HDX: variants seen among roughly 807,000 people sequenced by gnomAD.
HDX encodes the protein chromosome X open reading frame 43.
Under a neutral mutation model 45.2 loss-of-function variants are expected in HDX, and 19 were observed. The ratio of observed to expected loss-of-function variants is 0.42; its 90% CI spans 0.29 to 0.62. The LOEUF (loss-of-function observed/expected upper bound fraction) is 0.62. HDX is among the 20% of genes least tolerant of loss of function. The pLI, the probability that HDX is intolerant of heterozygous loss-of-function variation, is 0.20. For synonymous variants in HDX, 188 were observed against 172.8 expected (o/e 1.09, Z -0.69); for missense variants, 532 against 493.9 (o/e 1.08, Z -0.73).
chrX:84,478,166 G>T (rs894799101), intron 2 of HDX, among the ~76,000 whole-genome samples: 1 of 111,662 alleles, frequency 9.0e-6, no homozygotes, highest in East Asian at 2.8e-4. Flanking sequence ...TATATTTTTA[G>T]TACAACTAGG....
At chrX:84,452,215 T>C (rs1265172291) in intron 4 of HDX, among the ~76,000 whole-genome samples, 1 of 110,952 alleles carries the variant, frequency 9.0e-6, no homozygotes, top group Non-Finnish European at 1.9e-5. Context: ...GGAAAATAAG[T>C]CAAATTTTCC....
chrX:84,366,641 A>G lies in HDX; in HGVS notation c.1306-5029T>C, dbSNP rs991609161. Among the ~76,000 whole-genome samples the G allele has an allele frequency of 2.7e-5, 3 of 111,328 alleles. No individual in the cohort carries two copies. In the East Asian group the frequency reaches 8.5e-4, roughly 32 times the overall value. On this transcript the variant is annotated intron_variant, in intron 5 of 10. Coordinates refer to ENST00000373177, the MANE Select transcript of HDX (RefSeq NM_001177479.2). ...TACTGGTACCAAAACAGACAAATAG[A>G]CCAATGGAACAGAACAGGGGCCTCA...
intron 5 of HDX, among the ~76,000 whole-genome samples, chrX:84,371,285 C>T (rs2037887837): frequency 1.8e-5 from 2 of 111,792 alleles, no homozygotes; most frequent in South Asian, 3.7e-4. Flanking sequence ...TTCTACCCAC[C>T]TCAGAGGATT....
chrX:84,464,010 A>C (rs1451763667), intron 4 of HDX, among the ~76,000 whole-genome samples: 1 of 111,588 alleles, frequency 9.0e-6, no homozygotes, highest in Non-Finnish European at 1.9e-5. Flanking sequence ...CAGAAATAGT[A>C]TCACGGCTTG....
At chrX:84,367,384 C>T (rs1042853687) in intron 5 of HDX, among the ~76,000 whole-genome samples, 7 of 112,166 alleles carry the variant, frequency 6.2e-5, no homozygotes, top group African/African-American at 9.7e-5. Flanking sequence ...GAAATAGGAA[C>T]GCTTTTACAC....
chrX:84,482,227 T>A (rs1320512283), intron 2 of HDX, among the ~76,000 whole-genome samples: 1 of 111,788 alleles, frequency 8.9e-6, no homozygotes, highest in East Asian at 2.8e-4. Context: ...GTTCACCCAG[T>A]AGTGATATTA....
Position 84,441,748 on chromosome X carries a change from G to A in HDX, c.1252-1163C>T, listed in dbSNP as rs149136148. 5.3e-3 allele frequency among the ~76,000 whole-genome samples: 595 copies of A among 111,333 alleles called. 6 individuals are homozygous for A. Among genetic ancestry groups the A allele is most frequent in the African/African-American group, 0.019 (571 of 30,758 alleles). On this transcript the variant is annotated intron_variant, in intron 4 of 10. Transcript: ENST00000373177. ...TATTATACAAGTATTTTATACTTGA[G>A]CAAATACTTTCTGATAATTTCCCAG...
chrX:84,464,734 C>T (rs1439952342), intron 4 of HDX, among the ~76,000 whole-genome samples: 2 of 111,574 alleles, frequency 1.8e-5, no homozygotes, highest in Admixed American at 9.5e-5. Context: ...AGAACAAAAC[C>T]TAGGCAATAC....
chrX:84,402,721 T>C (rs2038735060), intron 5 of HDX, among the ~76,000 whole-genome samples: 1 of 111,839 alleles, frequency 8.9e-6, no homozygotes, highest in Non-Finnish European at 1.9e-5. Flanking sequence ...TGCTGAATCA[T>C]ATGGTAAGAC....
chrX:84,384,786 AC>A (rs775535414), intron 5 of HDX, among the ~76,000 whole-genome samples: 57 of 110,973 alleles, frequency 5.1e-4, no homozygotes, highest in African/African-American at 1.7e-3. Context: ...AATAGGGAGT[AC>A]TTTTCCTATT....
chrX:84,486,208 A>G lies in HDX; in HGVS notation c.-1+1816T>C, dbSNP rs766518158. On this transcript the variant is annotated intron_variant, in intron 2 of 10. Transcript: ENST00000373177. ...TTAAGTGATTGTTTTAAGGATTACA[A>G]TGTACATATCTATTTTTTCTTTTTA... is the stretch of plus-strand genomic sequence containing the variant. Among the ~76,000 whole-genome samples, 130 of 111,337 alleles carry G rather than the reference A, an allele frequency of 1.2e-3. 1 individual carries two copies. Among genetic ancestry groups the G allele is most frequent in the Non-Finnish European group, 2.1e-3 (113 of 52,965 alleles).
At chrX:84,367,232 AAC>A (rs2037780517) in intron 5 of HDX, among the ~76,000 whole-genome samples, 1 of 112,546 alleles carries the variant, frequency 8.9e-6, no homozygotes, top group Non-Finnish European at 1.9e-5. Flanking sequence ...TTATGAGGCC[AAC>A]AAACATATTT....
intron 4 of HDX, among the ~76,000 whole-genome samples, chrX:84,454,955 T>TGG (rs1299726452): frequency 9.0e-6 from 1 of 110,819 alleles, no homozygotes; most frequent in Non-Finnish European, 1.9e-5. Context: ...TTCTGGATCT[T>TGG]ATCCAAGACC....
chrX:84,440,407 A>C lies in HDX; in HGVS notation c.1305+125T>G, dbSNP rs182168543. On this transcript the variant is annotated intron_variant, in intron 5 of 10. Coordinates refer to ENST00000373177, the MANE Select transcript of HDX (RefSeq NM_001177479.2). The stretch of plus-strand genomic sequence containing the variant: ...TTATGATCTTGAAAAATGTCCTTTG[A>C]GACAATGTAGTCCTATCAAGGTTCA... 630 of 482,579 alleles carry C rather than the reference A, an allele frequency of 1.3e-3. 2 individuals are homozygous for C. The African/African-American group carries it at 0.014, about 10-fold the overall frequency. 39.8% of individuals were successfully genotyped at this position (482,579 alleles called of 1,213,427 possible).
At chrX:84,423,059 A>T (rs1487407133) in intron 5 of HDX, among the ~76,000 whole-genome samples, 1 of 111,234 alleles carries the variant, frequency 9.0e-6, no homozygotes, top group Non-Finnish European at 1.9e-5. Context: ...TAAAAATAAG[A>T]CATTACAACT....
chrX:84,343,998 A>T (rs1055576306), intron 7 of HDX, among the ~76,000 whole-genome samples: 2 of 111,577 alleles, frequency 1.8e-5, no homozygotes, highest in African/African-American at 6.5e-5. Flanking sequence ...TCATTTACTT[A>T]ATTATAATGC....
chrX:84,432,842 C>T (rs531318308), intron 5 of HDX, among the ~76,000 whole-genome samples: 5 of 110,332 alleles, frequency 4.5e-5, no homozygotes, highest in African/African-American at 1.6e-4. Flanking sequence ...TTGCTCTGGC[C>T]AGGACTTCCA....
chrX:84,420,397 A>G (rs5968317), intron 5 of HDX, among the ~76,000 whole-genome samples: 4,889 of 110,655 alleles, frequency 0.044, 266 homozygotes, highest in African/African-American at 0.15. Flanking sequence ...GGAAGAAATA[A>G]CTAGTGAGTA....
chrX:84,375,713 G>C (rs1315135621), intron 5 of HDX, among the ~76,000 whole-genome samples: 1 of 106,310 alleles, frequency 9.4e-6, no homozygotes, highest in Non-Finnish European at 1.9e-5. Flanking sequence ...ATGGACACAG[G>C]AAGGGGAACA....
Sources: allele counts gnomAD v4.1 joint callset (sites outside exome capture counted in the v4.1 genomes callset), GRCh38; gene constraint gnomAD v4.1.1; transcripts MANE v1.5; gene names NCBI Gene and HGNC (gene_info 2026-07-23, HGNC 2026-07-21).